FERRY3: variants seen among roughly 807,000 people sequenced by gnomAD.
FERRY3 encodes the protein FERRY endosomal RAB5 effector complex subunit 3, also known as protein C12orf4.
the FERRY3 span, among the ~76,000 whole-genome samples, chr12:4,503,291 A>C: frequency 1.3e-5 from 2 of 152,168 alleles, no homozygotes; most frequent in Non-Finnish European, 2.9e-5. Context: ...GATGTTAAGA[A>C]GATGTGATTT....
the FERRY3 span, chr12:4,529,768 CTA>C: frequency 9.9e-7 from 1 of 1,009,204 alleles, no homozygotes; most frequent in Admixed American, 3.0e-5. Flanking sequence ...GTTTTTTTTT[CTA>C]TCTTATCCTT....
At chr12:4,496,174 A>G in the FERRY3 span, among the ~76,000 whole-genome samples, 5 of 152,152 alleles carry the variant, frequency 3.3e-5, no homozygotes, top group Admixed American at 6.5e-5. Context: ...AGGTTTTTTA[A>G]TCCTGTCCTT....
chr12:4,524,069 C>T, the FERRY3 span, among the ~76,000 whole-genome samples: 1 of 151,708 alleles, frequency 6.6e-6, no homozygotes, highest in African/African-American at 2.4e-5. Flanking sequence ...TCTTGTTACC[C>T]AGGCTGGAGT....
At chr12:4,525,072 C>T in the FERRY3 span, 1 of 646,666 alleles carries the variant, frequency 1.5e-6, no homozygotes, top group Non-Finnish European at 2.5e-6. Context: ...ATAACCATTG[C>T]CCCCCAAATA....
At chr12:4,491,420 T>C in the FERRY3 span, among the ~76,000 whole-genome samples, 1 of 152,198 alleles carries the variant, frequency 6.6e-6, no homozygotes, top group Non-Finnish European at 1.5e-5. Flanking sequence ...AGACTATACT[T>C]GTGGAATACA....
At chr12:4,504,014 G>A in the FERRY3 span, among the ~76,000 whole-genome samples, 1 of 152,232 alleles carries the variant, frequency 6.6e-6, no homozygotes, top group Admixed American at 6.5e-5. Context: ...ATGAAGAGGA[G>A]GATGGTCTCC....
At chr12:4,489,991 T>A in the FERRY3 span, 4 of 805,526 alleles carry the variant, frequency 5.0e-6, no homozygotes, top group Non-Finnish European at 7.9e-6. Context: ...GACCTAGTTC[T>A]ACTAGGAATA....
At chr12:4,488,071 A>G in the FERRY3 span, 1 of 152,214 alleles carries the variant, frequency 6.6e-6, no homozygotes, top group Non-Finnish European at 1.5e-5. The surrounding 1 kb of genome is among the most constrained non-coding windows in gnomAD (Gnocchi z 4.9). Flanking sequence ...TGGTAACACC[A>G]TAAACATGAT....
At chr12:4,492,554 T>C in the FERRY3 span, among the ~76,000 whole-genome samples, 1 of 152,250 alleles carries the variant, frequency 6.6e-6, no homozygotes, top group African/African-American at 2.4e-5. Flanking sequence ...AATTGCCGTT[T>C]ACCTATTGTT....
chr12:4,489,953 AATAATTTT>A, the FERRY3 span: 1 of 1,219,506 alleles, frequency 8.2e-7, no homozygotes, highest in Non-Finnish European at 1.2e-6. Flanking sequence ...TGATTTTAAA[AATAATTTT>A]AGAAGTATTT....
the FERRY3 span, chr12:4,489,739 CCCAG>C: frequency 1.2e-5 from 14 of 1,143,430 alleles, no homozygotes; most frequent in Middle Eastern, 2.0e-4. Flanking sequence ...TTGACAGATT[CCCAG>C]CATAGCACAA....
At chr12:4,504,863 G>T in the FERRY3 span, among the ~76,000 whole-genome samples, 18 of 152,268 alleles carry the variant, frequency 1.2e-4, no homozygotes, top group Admixed American at 1.1e-3. Context: ...AGTACTTTGG[G>T]AGGCTGAAGC....
the FERRY3 span, among the ~76,000 whole-genome samples, chr12:4,525,846 C>A: frequency 6.6e-6 from 1 of 152,158 alleles, no homozygotes; most frequent in East Asian, 1.9e-4. Flanking sequence ...CGAATGCAGT[C>A]AAAATCTAAG....
chr12:4,533,066 C>T, the FERRY3 span, among the ~76,000 whole-genome samples: 1 of 152,196 alleles, frequency 6.6e-6, no homozygotes, highest in Non-Finnish European at 1.5e-5. Context: ...ACTGCCTCAT[C>T]TAAACAAATA....
the FERRY3 span, among the ~76,000 whole-genome samples, chr12:4,519,763 G>A: frequency 2.6e-5 from 4 of 152,214 alleles, no homozygotes; most frequent in Non-Finnish European, 4.4e-5. The surrounding 1 kb of genome is among the most constrained non-coding windows in gnomAD (Gnocchi z 4.3). Flanking sequence ...CTCAGCGGCA[G>A]CATTAGGTTC....
At chr12:4,499,634 C>T in the FERRY3 span, among the ~76,000 whole-genome samples, 1 of 152,224 alleles carries the variant, frequency 6.6e-6, no homozygotes, top group Admixed American at 6.5e-5. Context: ...AAAAGGAACC[C>T]TTGAGACAAA....
chr12:4,527,371 G>C, the FERRY3 span, among the ~76,000 whole-genome samples: 23 of 151,990 alleles, frequency 1.5e-4, no homozygotes, highest in Admixed American at 1.3e-4. Context: ...CTATGATTAA[G>C]ATAGAAGAAA....
the FERRY3 span, chr12:4,534,027 T>C: frequency 3.9e-5 from 38 of 965,336 alleles, no homozygotes; most frequent in South Asian, 7.5e-4. Context: ...AGCAGCAACA[T>C]ATACATTATA....
the FERRY3 span, chr12:4,489,907 A>G: frequency 6.5e-7 from 1 of 1,528,880 alleles, no homozygotes; most frequent in Non-Finnish European, 9.0e-7. Context: ...ACTCTGTAAG[A>G]CGAAAAAATA....
Sources: allele counts gnomAD v4.1 joint callset (sites outside exome capture counted in the v4.1 genomes callset), GRCh38; gene constraint gnomAD v4.1.1; non-coding constraint Gnocchi (gnomAD v3.1); transcripts MANE v1.5; gene names NCBI Gene and HGNC (gene_info 2026-07-23, HGNC 2026-07-21).